Variants in RAB12 observed in about 807,000 individuals in gnomAD.
The protein encoded by RAB12 is ras-related protein Rab-12.
In RAB12, 11 loss-of-function variants were observed where a neutral mutation model predicts 28.4. That is an observed-to-expected ratio of 0.39 (90% CI 0.24 to 0.64). The LOEUF is 0.64. Ranked by LOEUF, RAB12 falls within the 30% of genes least tolerant of loss-of-function variation. The pLI is 0.50. For synonymous variants in RAB12, 138 were observed against 145.3 expected (o/e 0.95, Z 0.36); for missense variants, 276 against 351.1 (o/e 0.79, Z 1.71).
At chr18:8,638,061 T>C (rs906187881) in intron 5 of RAB12, 88 bp from the exon 6 acceptor site, 10 of 763,580 alleles carry the variant, frequency 1.3e-5, no homozygotes, top group Non-Finnish European at 2.0e-5. Context: ...TAAGTGGACC[T>C]GTGCAGTTGA....
intron 1 of RAB12, among the ~76,000 whole-genome samples, chr18:8,622,847 C>T (rs970052568): frequency 1.3e-5 from 2 of 152,080 alleles, no homozygotes; most frequent in Admixed American, 6.6e-5. Context: ...TACCCCCAGG[C>T]GAGTATTCTC....
At chr18:8,635,670 T>C (rs2096018491) in intron 4 of RAB12, 48 bp downstream of exon 4, 5 of 1,152,026 alleles carry the variant, frequency 4.3e-6, no homozygotes, top group Non-Finnish European at 6.2e-6. Flanking sequence ...GCTTAGCGCT[T>C]GAGGTACTGT....
At chr18:8,633,445 T>C in intron 3 of RAB12, 118 bp downstream of exon 3, 1 of 1,153,118 alleles carries the variant, frequency 8.7e-7, no homozygotes, top group Non-Finnish European at 1.3e-6. Flanking sequence ...TAAACATCAT[T>C]TAGCCCATAT....
At position 8,636,754 on chromosome 18, in the gene RAB12, A is replaced by G. The variant is rs146698578; in HGVS notation, c.909+397A>G. On this transcript the variant is annotated intron_variant, in intron 5 of 5. Transcript: ENST00000649141. ...GAGAGCCCCGTGGTGCTGCGCTTGC[A>G]TCCCTTCCTGTTCTGCTCCCTGGTG... Among the ~76,000 whole-genome samples, 176 of 152,332 alleles carry G rather than the reference A, an allele frequency of 1.2e-3. 2 individuals are homozygous for G. Among genetic ancestry groups the G allele is most frequent in the African/African-American group, 3.6e-3 (151 of 41,574 alleles).
chr18:8,616,047 A>G (rs975970145), intron 1 of RAB12, among the ~76,000 whole-genome samples: 1 of 152,186 alleles, frequency 6.6e-6, no homozygotes, highest in Non-Finnish European at 1.5e-5. Context: ...CGTTGTTCCA[A>G]ATAAGCATTA....
At chr18:8,636,406 G>A (rs912221112) in intron 5 of RAB12, 49 bp downstream of exon 5, 2 of 1,141,874 alleles carry the variant, frequency 1.8e-6, no homozygotes, top group Admixed American at 2.3e-5. Context: ...GAAACCTGTT[G>A]TTTCCTTTAT....
At chr18:8,613,445 C>A (rs963852433) in intron 1 of RAB12, among the ~76,000 whole-genome samples, 1 of 152,120 alleles carries the variant, frequency 6.6e-6, no homozygotes, top group Non-Finnish European at 1.5e-5. Context: ...ATTATTGCTT[C>A]CTGAGTGAAG....
rs1598313888 is a variant in RAB12 at position 8,633,424 on chromosome 18, T to C, written c.714+97T>C. 6 of 1,389,802 alleles carry C rather than the reference T, an allele frequency of 4.3e-6. No individual in the cohort carries two copies. The East Asian group carries it at 1.4e-4, about 32-fold the overall frequency. The allele number at this position is 1,389,802 out of a possible 1,614,324, so 86.1% of individuals were successfully genotyped here. On this transcript the variant is annotated intron_variant, in intron 3 of 5. Coordinates refer to ENST00000649141, the MANE Select transcript of RAB12 (RefSeq NM_001025300.3). ...GGGAAACACATGTATTGAGCATGTT[T>C]TCATATAGACTAAACATCATTTAGC...
chr18:8,638,350 T>C lies in RAB12; in HGVS notation c.*88T>C. The C allele has an allele frequency of 2.2e-6, 2 of 892,672 alleles. No individual in the cohort carries two copies. Among genetic ancestry groups the C allele is most frequent in the Non-Finnish European group, 3.6e-6 (2 of 554,692 alleles). 55.3% of individuals were successfully genotyped at this position (892,672 alleles called of 1,614,324 possible). A position where few individuals can be genotyped will look rare whatever the true frequency, so the allele number is the denominator to read the frequency against. On this transcript the variant is annotated 3_prime_UTR_variant, in exon 6 of 6. Coordinates refer to ENST00000649141, the MANE Select transcript of RAB12 (RefSeq NM_001025300.3). Reference sequence around the variant, plus strand: ...CACTACAATCATTTTGACAATTTCCTTTCGCACTTTGTAATCCAAGTCAGA... The same window carrying C: ...CACTACAATCATTTTGACAATTTCCCTTCGCACTTTGTAATCCAAGTCAGA...
chr18:8,630,783 T>C (rs1598312941), intron 2 of RAB12, among the ~76,000 whole-genome samples: 1 of 152,268 alleles, frequency 6.6e-6, no homozygotes, highest in East Asian at 1.9e-4. Context: ...TAATGAACTT[T>C]ACCATATTTG....
intron 2 of RAB12, among the ~76,000 whole-genome samples, chr18:8,627,133 G>A (rs1297859494): frequency 1.3e-5 from 2 of 152,250 alleles, no homozygotes; most frequent in African/African-American, 4.8e-5. Context: ...CTGTTTTAAA[G>A]TAATGCGTGG....
chr18:8,634,629 T>G (rs1396089692), intron 3 of RAB12, among the ~76,000 whole-genome samples: 2 of 152,134 alleles, frequency 1.3e-5, no homozygotes, highest in African/African-American at 4.8e-5. Flanking sequence ...CTGTCTTCCT[T>G]TTGTCATCAA....
At chr18:8,619,197 A>G (rs148493412) in intron 1 of RAB12, among the ~76,000 whole-genome samples, 1 of 152,304 alleles carries the variant, frequency 6.6e-6, no homozygotes, top group East Asian at 1.9e-4. Flanking sequence ...TCTGGTCCAA[A>G]CTCCAGATCT....
At chr18:8,630,027 A>G (rs572044837) in intron 2 of RAB12, among the ~76,000 whole-genome samples, 1 of 152,338 alleles carries the variant, frequency 6.6e-6, no homozygotes, top group Admixed American at 6.5e-5. Flanking sequence ...AGAAATTTGC[A>G]GTGGTTCTCA....
At position 8,609,617 on chromosome 18, in the gene RAB12, G is replaced by T. The variant is rs2096002483; in HGVS notation, c.178G>T (p.Gly60Trp). The change falls in exon 1 of 6, where the codon GGG (glycine) becomes TGG (tryptophan). Residue 60 changes from glycine to tryptophan, a missense_variant. Transcript: ENST00000649141. Reference protein sequence around the residue: ...GPLQRAEAEPGADPPRAAEAE... With the variant: ...GPLQRAEAEPWADPPRAAEAE... The stretch of plus-strand genomic sequence containing the variant: ...GCTCCAGCGGGCGGAAGCCGAGCCC[G>T]GGGCCGACCCCCCGCGCGCGGCGGA... 2.4e-6 allele frequency: 1 copy of T among 409,242 alleles called. No homozygotes were observed. 25.4% of individuals were successfully genotyped at this position (409,242 alleles called of 1,614,324 possible).
In RAB12 at chr18:8,639,144, G is replaced by GTTTTTTTTTTTT. The variant is rs1598315808; in HGVS notation, c.*884_*885insTTTTTTTTTTTT. On this transcript the variant is annotated 3_prime_UTR_variant, in exon 6 of 6. Coordinates refer to ENST00000649141, the MANE Select transcript of RAB12 (RefSeq NM_001025300.3). Reference sequence around the variant, plus strand: ...CTTATTCTGATTAAGCCTAGACTGTGTTCTTTTTTTTTTTTTTTTTTTTTT... The same window carrying GTTTTTTTTTTTT: ...CTTATTCTGATTAAGCCTAGACTGTGTTTTTTTTTTTTTTCTTTTTTTTTTTTTTTTTTTTTT... The GTTTTTTTTTTTT allele has an allele frequency of 1.3e-3, 21 of 16,582 alleles. 1 individual carries two copies. Among genetic ancestry groups the GTTTTTTTTTTTT allele is most frequent in the East Asian group, 4.7e-3 (2 of 426 alleles). 1.0% of individuals were successfully genotyped at this position (16,582 alleles called of 1,614,324 possible).
rs2096002598 is a variant in RAB12 at position 8,609,735 on chromosome 18, C to T, written c.296C>T (p.Pro99Leu). 3 of 1,171,998 alleles carry T rather than the reference C, an allele frequency of 2.6e-6. No homozygotes were observed. Among genetic ancestry groups the T allele is most frequent in the South Asian group, 4.1e-5 (1 of 24,108 alleles). 72.6% of individuals were successfully genotyped at this position (1,171,998 alleles called of 1,614,324 possible). A position where few individuals can be genotyped will look rare whatever the true frequency, so the allele number is the denominator to read the frequency against. Residue 99 changes from proline (P) to leucine (L), a missense_variant, in exon 1 of 6, where the codon CCG becomes CTG. Pro to Leu is a moderately conservative substitution (Grantham distance 98). Transcript: ENST00000649141. ...CGGGAGCCGCATGCGTGTATGGATCCGGGCGCCGCGCTGCAGAGGCGGGCC... is the reference window on the plus strand; with the variant it reads ...CGGGAGCCGCATGCGTGTATGGATCTGGGCGCCGCGCTGCAGAGGCGGGCC... ...AEREPHACMDPGAALQRRAGG... is the reference protein window; with the variant it reads ...AEREPHACMDLGAALQRRAGG...
chr18:8,633,731 G>A lies in RAB12; in HGVS notation c.714+404G>A, dbSNP rs140350534. ...CACGGTGCCTGCGGATGTCCCACGCGCCTCCGTCACCCACTGGACATCTGT... is the reference window on the plus strand; with the variant it reads ...CACGGTGCCTGCGGATGTCCCACGCACCTCCGTCACCCACTGGACATCTGT... On this transcript the variant is annotated intron_variant, in intron 3 of 5. Coordinates refer to ENST00000649141, the MANE Select transcript of RAB12 (RefSeq NM_001025300.3). Among the ~76,000 whole-genome samples, 85 of 152,264 alleles carry A rather than the reference G, an allele frequency of 5.6e-4. No individual in the cohort carries two copies. The East Asian group carries it at 8.3e-3, about 15-fold the overall frequency.
chr18:8,626,641 A>G (rs976778227), intron 2 of RAB12, among the ~76,000 whole-genome samples: 3 of 152,222 alleles, frequency 2.0e-5, no homozygotes, highest in Non-Finnish European at 4.4e-5. Flanking sequence ...CTGAGATAAG[A>G]GGGCCCTACC....
Sources: allele counts gnomAD v4.1 joint callset (sites outside exome capture counted in the v4.1 genomes callset), GRCh38; gene constraint gnomAD v4.1.1; transcripts MANE v1.5; gene names NCBI Gene and HGNC (gene_info 2026-07-23, HGNC 2026-07-21).